The following SLC25A48 variants were observed in gnomAD, a reference collection of about 807,000 sequenced individuals.
SLC25A48 encodes the protein CTC-321K16.1.
SLC25A48 carries 29 observed loss-of-function variants against 32.2 expected under a neutral mutation model. The observed-to-expected ratio is 0.90, with a 90% CI of 0.67 to 1.23. The LOEUF (loss-of-function observed/expected upper bound fraction) is 1.23. Among genes scored for constraint, SLC25A48 ranks in the 50% most tolerant of loss-of-function variants. The pLI, the probability that SLC25A48 is intolerant of heterozygous loss-of-function variation, is 0.00. For synonymous variants in SLC25A48, 164 were observed against 172.3 expected, an observed-to-expected ratio of 0.95 and a Z score of 0.38; for missense variants, 399 against 422.7, an observed-to-expected ratio of 0.94 and a Z score of 0.49.
At chr5:135,696,195 A>AGACCACCAG (rs1468686023) in intron 3 of SLC25A48, among the ~76,000 whole-genome samples, 2 of 152,246 alleles carry the variant, frequency 1.3e-5, no homozygotes, top group Non-Finnish European at 2.9e-5. Context: ...CATTGCAGCA[A>AGACCACCAG]GACCACCAGG....
intron 1 of SLC25A48, among the ~76,000 whole-genome samples, chr5:135,581,516 T>C (rs1016495837): frequency 3.9e-5 from 6 of 152,290 alleles, no homozygotes; most frequent in Non-Finnish European, 8.8e-5. Context: ...AGTATTATTT[T>C]TTATTAACGA....
intron 3 of SLC25A48, among the ~76,000 whole-genome samples, chr5:135,786,406 G>A (rs913964556): frequency 6.6e-6 from 1 of 151,290 alleles, no homozygotes; most frequent in South Asian, 2.1e-4. Context: ...GTGGGTCTAC[G>A]CCATGTGTGT....
intron 3 of SLC25A48, among the ~76,000 whole-genome samples, chr5:135,740,626 C>G (rs12523223): frequency 0.41 from 61,612 of 152,018 alleles, 14,369 homozygotes; most frequent in Non-Finnish European, 0.52. Flanking sequence ...AAAACAGCCT[C>G]CTGAGAATGC....
In SLC25A48 at chr5:135,618,883, G is replaced by T. The variant is rs374694770; in HGVS notation, c.-848-10354G>T. Reference sequence around the variant, plus strand: ...TCTGTTAGTCTGATAGGGGTTCATTGATAGATGACTAGATGCCTTTCTCTT... The same window carrying T: ...TCTGTTAGTCTGATAGGGGTTCATTTATAGATGACTAGATGCCTTTCTCTT... On this transcript the variant is annotated intron_variant, in intron 1 of 10. Coordinates refer to the SLC25A48 transcript ENST00000646290. Among the ~76,000 whole-genome samples the T allele has an allele frequency of 1.8e-4, 27 of 150,844 alleles. 1 individual carries two copies. The highest frequency in any genetic ancestry group is 6.3e-4 in the African/African-American group (26 of 41,230).
chr5:135,651,535 C>T (rs1340388774), intron 3 of SLC25A48, among the ~76,000 whole-genome samples: 2 of 152,212 alleles, frequency 1.3e-5, no homozygotes, highest in African/African-American at 2.4e-5. Flanking sequence ...TCTCCAAGAT[C>T]TTAATCCCAG....
chr5:135,746,988 T>A (rs1201086670), intron 3 of SLC25A48, among the ~76,000 whole-genome samples: 1 of 66,290 alleles, frequency 1.5e-5, no homozygotes, highest in African/African-American at 3.6e-5. Context: ...AGGTTAAGTA[T>A]TTTTTGTTGT....
chr5:135,644,594 A>G (rs1208239610), intron 3 of SLC25A48, among the ~76,000 whole-genome samples: 1 of 152,162 alleles, frequency 6.6e-6, no homozygotes, highest in Non-Finnish European at 1.5e-5. Context: ...AGCCCTGCAA[A>G]GCAGATAAGA....
intron 3 of SLC25A48, among the ~76,000 whole-genome samples, chr5:135,752,040 A>G (rs537466818): frequency 1.3e-5 from 2 of 152,234 alleles, no homozygotes; most frequent in South Asian, 2.1e-4. Context: ...CAAATGGATC[A>G]GAGACCTAAA....
At chr5:135,734,201 C>T (rs1755297177) in intron 3 of SLC25A48, among the ~76,000 whole-genome samples, 1 of 151,936 alleles carries the variant, frequency 6.6e-6, no homozygotes, top group Admixed American at 6.6e-5. Context: ...GGAGGTGTCC[C>T]ATACTTGTGG....
At chr5:135,675,007 C>T (rs1043374448) in intron 3 of SLC25A48, among the ~76,000 whole-genome samples, 11 of 151,948 alleles carry the variant, frequency 7.2e-5, no homozygotes, top group South Asian at 2.1e-4. Context: ...CCTGCATCCT[C>T]GCCAGCATCT....
Position 135,579,208 on chromosome 5 carries a change from C to A in SLC25A48, c.-1238C>A. 1.1e-5 allele frequency: 3 copies of A among 265,094 alleles called. No homozygotes were observed. The South Asian group carries it at 2.5e-4, about 22-fold the overall frequency. 16.4% of individuals were successfully genotyped at this position (265,094 alleles called of 1,614,324 possible). On this transcript the variant is annotated 5_prime_UTR_variant, in exon 1 of 11. Coordinates refer to the SLC25A48 transcript ENST00000646290. ...CACGCGCGCACACGCACACACACAT[C>A]CGCTACCCTCTCGCTCACACAACAC...
At chr5:135,756,104 C>T (rs1490802521) in intron 3 of SLC25A48, among the ~76,000 whole-genome samples, 1 of 151,426 alleles carries the variant, frequency 6.6e-6, no homozygotes, top group Non-Finnish European at 1.5e-5. Context: ...TGTCAACACA[C>T]TATGGTATTA....
chr5:135,801,320 T>C (rs1757319538), intron 3 of SLC25A48, among the ~76,000 whole-genome samples: 1 of 151,262 alleles, frequency 6.6e-6, no homozygotes, highest in African/African-American at 2.4e-5. Flanking sequence ...TACTCCCCTG[T>C]GATATTCTTC....
chr5:135,750,706 A>AGACT (rs1363535484), intron 3 of SLC25A48, among the ~76,000 whole-genome samples: 1 of 152,104 alleles, frequency 6.6e-6, no homozygotes, highest in African/African-American at 2.4e-5. Context: ...CCCAGGTGGT[A>AGACT]GACTGGTAGC....
At chr5:135,842,861 C>T (rs1759121707) in intron 2 of SLC25A48, among the ~76,000 whole-genome samples, 1 of 152,174 alleles carries the variant, frequency 6.6e-6, no homozygotes, top group Non-Finnish European at 1.5e-5. Context: ...AGTCTTTCAC[C>T]CCATCCCCAC....
At chr5:135,725,494 A>G (rs1371674782) in intron 3 of SLC25A48, among the ~76,000 whole-genome samples, 2 of 152,194 alleles carry the variant, frequency 1.3e-5, no homozygotes, top group Non-Finnish European at 2.9e-5. Flanking sequence ...GGCTGAAGGG[A>G]CAGATTTTAT....
chr5:135,716,203 A>G (rs1391140972), intron 3 of SLC25A48, among the ~76,000 whole-genome samples: 4 of 152,170 alleles, frequency 2.6e-5, no homozygotes, highest in Admixed American at 6.5e-5. Flanking sequence ...AGTGAACCTC[A>G]TGCTTACCTG....
intron 1 of SLC25A48, among the ~76,000 whole-genome samples, chr5:135,612,054 T>C (rs1452956841): frequency 1.3e-5 from 2 of 152,362 alleles, no homozygotes; most frequent in South Asian, 4.1e-4. Flanking sequence ...TTCCTATGTA[T>C]CAATATTAGC....
intron 2 of SLC25A48, among the ~76,000 whole-genome samples, chr5:135,844,832 A>C (rs1453328505): frequency 6.6e-6 from 1 of 152,186 alleles, no homozygotes. Context: ...AAGATGAACA[A>C]GCATTCTCCA....
Sources: gnomAD v4.1 joint callset for allele counts (sites outside exome capture counted in the v4.1 genomes callset) on GRCh38, gnomAD v4.1.1 for gene constraint, MANE v1.5 for transcripts, NCBI Gene and HGNC (gene_info 2026-07-23, HGNC 2026-07-21) for gene names.